GTF2F2: variants seen among roughly 807,000 people sequenced by gnomAD.
GTF2F2 encodes general transcription factor IIF subunit 2, also known as ATP-dependent helicase GTF2F2.
Under a neutral mutation model 42.2 loss-of-function variants are expected in GTF2F2, and 23 were observed. The observed-to-expected ratio is 0.55, with a 90% confidence interval of 0.39 to 0.77. The LOEUF is 0.77. GTF2F2 is among the 30% of genes least tolerant of loss of function. GTF2F2 has a pLI of 0.00. For missense variants in GTF2F2, 261 were observed against 287.2 expected (o/e 0.91, Z 0.66); for synonymous variants, 105 against 100.8 (o/e 1.04, Z -0.25).
chr13:45,147,149 T>C (rs976137556), intron 2 of GTF2F2, among the ~76,000 whole-genome samples: 3 of 152,154 alleles, frequency 2.0e-5, no homozygotes, highest in Non-Finnish European at 4.4e-5. Flanking sequence ...AGACTGAAAA[T>C]GTCAACATGA....
intron 4 of GTF2F2, among the ~76,000 whole-genome samples, chr13:45,187,759 A>G (rs566316092): frequency 1.3e-5 from 2 of 152,336 alleles, no homozygotes; most frequent in Admixed American, 6.5e-5. Flanking sequence ...AGTCCTCCAT[A>G]TTACATCTTT....
At chr13:45,282,810 A>T (rs983481842) in intron 7 of GTF2F2, among the ~76,000 whole-genome samples, 7 of 152,156 alleles carry the variant, frequency 4.6e-5, no homozygotes, top group African/African-American at 1.7e-4. Context: ...CGGCCTTATT[A>T]TCACTTCTTA....
chr13:45,186,060 T>C (rs7983326), intron 4 of GTF2F2, among the ~76,000 whole-genome samples: 76,840 of 151,680 alleles, frequency 0.51, 22,934 homozygotes, highest in African/African-American at 0.84. Flanking sequence ...CTGCAACCTC[T>C]GCCTCCTGGG....
chr13:45,191,001 A>C (rs945064784), intron 4 of GTF2F2, among the ~76,000 whole-genome samples: 60 of 151,082 alleles, frequency 4.0e-4, no homozygotes, highest in Non-Finnish European at 5.9e-5. Flanking sequence ...CTGGCATGGT[A>C]GTCATCTTCC....
At chr13:45,275,051 A>T (rs527279455) in intron 7 of GTF2F2, among the ~76,000 whole-genome samples, 1 of 152,034 alleles carries the variant, frequency 6.6e-6, no homozygotes, top group South Asian at 2.1e-4. Context: ...TCTTTTCCCC[A>T]TTTCCTTTCT....
intron 4 of GTF2F2, among the ~76,000 whole-genome samples, chr13:45,203,037 T>C (rs562522704): frequency 3.3e-5 from 5 of 152,284 alleles, no homozygotes; most frequent in Admixed American, 2.6e-4. Flanking sequence ...GCTTTGAATA[T>C]AGGATACTGA....
At chr13:45,185,997 C>T (rs1831410447) in intron 4 of GTF2F2, among the ~76,000 whole-genome samples, 1 of 151,282 alleles carries the variant, frequency 6.6e-6, no homozygotes, top group Admixed American at 6.6e-5. Context: ...TTTCTTGAGG[C>T]AGAATCTCAT....
At chr13:45,195,444 T>A (rs1872843764) in intron 4 of GTF2F2, among the ~76,000 whole-genome samples, 2 of 152,202 alleles carry the variant, frequency 1.3e-5, no homozygotes, top group South Asian at 4.1e-4. Context: ...TGTATGTGCA[T>A]GCATGTATAT....
chr13:45,180,513 T>C (rs74715253), intron 4 of GTF2F2, among the ~76,000 whole-genome samples: 4,357 of 152,214 alleles, frequency 0.029, 187 homozygotes, highest in African/African-American at 0.093. Context: ...TTTAAATGAG[T>C]ATTTTTGTGG....
intron 2 of GTF2F2, among the ~76,000 whole-genome samples, chr13:45,143,515 C>A (rs1310062650): frequency 6.6e-6 from 1 of 152,176 alleles, no homozygotes; most frequent in African/African-American, 2.4e-5. Flanking sequence ...AGTTCTCCTG[C>A]TGTTGTAACC....
At chr13:45,173,288 A>G (rs1157518378) in intron 4 of GTF2F2, among the ~76,000 whole-genome samples, 2 of 152,096 alleles carry the variant, frequency 1.3e-5, no homozygotes, top group Admixed American at 1.3e-4. Context: ...TCATGGTACT[A>G]TACAAACCAC....
At chr13:45,158,124 C>A (rs1005723296) in intron 4 of GTF2F2, among the ~76,000 whole-genome samples, 12 of 152,212 alleles carry the variant, frequency 7.9e-5, no homozygotes, top group Admixed American at 7.2e-4. Flanking sequence ...TGTCCCCACC[C>A]AAATCTCATC....
intron 4 of GTF2F2, among the ~76,000 whole-genome samples, chr13:45,163,349 A>G (rs1471621024): frequency 6.6e-6 from 1 of 152,162 alleles, no homozygotes; most frequent in Non-Finnish European, 1.5e-5. Context: ...AGCGTGGGCA[A>G]CATGGTGATT....
chr13:45,267,419 C>T (rs772254011), intron 7 of GTF2F2, 43 bp downstream of exon 7: 5 of 1,333,310 alleles, frequency 3.8e-6, no homozygotes, highest in Middle Eastern at 1.9e-4. Context: ...TGCCCTCCTT[C>T]ATTAACACGA....
chr13:45,245,797 C>T (rs1330067811), intron 5 of GTF2F2, among the ~76,000 whole-genome samples: 6 of 146,204 alleles, frequency 4.1e-5, no homozygotes, highest in East Asian at 2.1e-4. Flanking sequence ...AAAAATTAGC[C>T]GGGCGTGGTG....
At chr13:45,249,984 T>C (rs1006336296) in intron 5 of GTF2F2, among the ~76,000 whole-genome samples, 3 of 152,068 alleles carry the variant, frequency 2.0e-5, no homozygotes, top group African/African-American at 4.8e-5. Context: ...TAAAGGTTTA[T>C]CTCTTAGAAG....
chr13:45,123,767 G>T (rs2138083573), intron 1 of GTF2F2, among the ~76,000 whole-genome samples: 1 of 151,264 alleles, frequency 6.6e-6, no homozygotes, highest in East Asian at 1.9e-4. Context: ...CTGGCCTAAT[G>T]AAGTGCTATT....
chr13:45,138,396 C>A (rs770184460), intron 2 of GTF2F2, among the ~76,000 whole-genome samples: 17 of 152,204 alleles, frequency 1.1e-4, no homozygotes, highest in Non-Finnish European at 2.2e-4. Context: ...CTCCACACTA[C>A]TCCCAGAATC....
At chr13:45,207,583 G>T in intron 5 of GTF2F2, 78 bp downstream of exon 5, 1 of 863,778 alleles carries the variant, frequency 1.2e-6, no homozygotes, top group Non-Finnish European at 1.9e-6. Flanking sequence ...ATCGCCTATT[G>T]ACTGCATTAA....
Sources: allele counts gnomAD v4.1 joint callset (sites outside exome capture counted in the v4.1 genomes callset), GRCh38; gene constraint gnomAD v4.1.1; transcripts MANE v1.5; gene names NCBI Gene and HGNC (gene_info 2026-07-23, HGNC 2026-07-21).